SPIRE2: variants seen among roughly 807,000 people sequenced by gnomAD.
SPIRE2 encodes protein spire homolog 2.
SPIRE2 carries 76 observed loss-of-function variants against 80.7 expected under a neutral mutation model. That is an observed-to-expected ratio of 0.94 (90% CI 0.78 to 1.14). The LOEUF is 1.14. Ranked by LOEUF, SPIRE2 falls within the 50% of genes most tolerant of loss-of-function variation. The probability of loss-of-function intolerance (pLI) is 0.00; values close to 1 mark genes in which losing one functional copy is unlikely to be tolerated. For missense variants in SPIRE2, 1,196 were observed against 1,015.3 expected, an observed-to-expected ratio of 1.18 and a Z score of -2.42; for synonymous variants, 535 against 432.6, an observed-to-expected ratio of 1.24 and a Z score of -2.94.
At chr16:89,842,255 C>T (rs1477803858) in intron 1 of SPIRE2, among the ~76,000 whole-genome samples, 10 of 123,024 alleles carry the variant, frequency 8.1e-5, no homozygotes, top group East Asian at 6.3e-4. Context: ...CTCTGTTGCC[C>T]AGGCTGGAGT....
intron 1 of SPIRE2, among the ~76,000 whole-genome samples, chr16:89,843,850 C>G (rs374311890): frequency 5.0e-4 from 71 of 142,654 alleles, no homozygotes; most frequent in African/African-American, 1.6e-3. Context: ...CATATATGCA[C>G]TACCATGCCC....
At chr16:89,854,777 G>A in intron 5 of SPIRE2, 126 bp downstream of exon 5, 4 of 992,958 alleles carry the variant, frequency 4.0e-6, no homozygotes, top group Admixed American at 2.4e-5. Flanking sequence ...CCTGCTCTCT[G>A]TGCTGGGTAC....
rs984125891 is a variant in SPIRE2, at chr16:89,869,545, ACCT to A, written c.1807-16_1807-14del. 3.3e-6 allele frequency: 5 copies of A among 1,533,066 alleles called. No homozygotes were observed. In the African/African-American group the frequency reaches 6.8e-5, roughly 21 times the overall value. The allele number at this position is 1,533,066 out of a possible 1,614,324, so 95.0% of individuals were successfully genotyped here. A position where few individuals can be genotyped will look rare whatever the true frequency, so the allele number is the denominator to read the frequency against. ...ATGTCTCTGGTGGTGCCTGGTTCATACCTCCTCCCTCTGTGCTGCAGATGAAGA... is the reference window on the plus strand; with the variant it reads ...ATGTCTCTGGTGGTGCCTGGTTCATACCTCCCTCTGTGCTGCAGATGAAGA... On this transcript the variant is annotated intron_variant, in intron 13 of 14. Coordinates refer to ENST00000378247, the MANE Select transcript of SPIRE2 (RefSeq NM_032451.2).
In SPIRE2 at chr16:89,869,053, A is replaced by AAAAAACATATATATATATATATATAT; in HGVS notation, c.1807-513_1807-512insAAAACATATATATATATATATATATA. ...TCTTAAAAAAAAAAAAAAAAAAAAA[A>AAAAAACATATATATATATATATATAT]ATATATATATATATATATATATGTT... On this transcript the variant is annotated intron_variant, in intron 13 of 14. Transcript: ENST00000378247. 2.1e-4 allele frequency among the ~76,000 whole-genome samples: 5 copies of AAAAAACATATATATATATATATATAT among 24,030 alleles called. 1 individual carries two copies. The highest frequency in any genetic ancestry group is 8.2e-4 in the African/African-American group (5 of 6,098). The allele number at this position is 24,030 out of a possible 152,430, so 15.8% of individuals were successfully genotyped here. A position where few individuals can be genotyped will look rare whatever the true frequency, so the allele number is the denominator to read the frequency against.
At chr16:89,868,352 C>T in intron 13 of SPIRE2, 136 bp downstream of exon 13, 1 of 955,036 alleles carries the variant, frequency 1.0e-6, no homozygotes, top group Non-Finnish European at 1.6e-6. Flanking sequence ...CATTCCTATA[C>T]TTTCCAAGAT....
intron 3 of SPIRE2, 101 bp downstream of exon 3, chr16:89,850,761 G>A (rs1207437128): frequency 1.1e-6 from 1 of 881,900 alleles, no homozygotes; most frequent in Non-Finnish European, 1.6e-6. Context: ...TGGACAGAAA[G>A]TCAGGTCGTC....
In SPIRE2 at chr16:89,857,872, G is replaced by GTTC. The variant is rs1273963201; in HGVS notation, c.1103-457_1103-455dup. On this transcript the variant is annotated intron_variant, in intron 7 of 14. Transcript: ENST00000378247. ...GGCGTGAGCCACCGCACCCAGCCTAGTTCTTCTTCTTTTTTTTTTTTTTTT... is the reference window on the plus strand; with the variant it reads ...GGCGTGAGCCACCGCACCCAGCCTAGTTCTTCTTCTTCTTTTTTTTTTTTTTTT... 8.8e-4 allele frequency among the ~76,000 whole-genome samples: 112 copies of GTTC among 127,078 alleles called. 2 individuals are homozygous for GTTC. In the Middle Eastern group the frequency reaches 0.014, roughly 16 times the overall value. 83.4% of individuals were successfully genotyped at this position (127,078 alleles called of 152,430 possible).
At chr16:89,844,933 A>G (rs1236937670) in intron 1 of SPIRE2, among the ~76,000 whole-genome samples, 2 of 152,046 alleles carry the variant, frequency 1.3e-5, no homozygotes, top group Admixed American at 1.3e-4. Context: ...ATGTTTCCCT[A>G]GGGGCAGCCT....
intron 2 of SPIRE2, among the ~76,000 whole-genome samples, chr16:89,848,002 G>C (rs746897019): frequency 2.0e-5 from 3 of 152,218 alleles, no homozygotes; most frequent in African/African-American, 7.2e-5. Context: ...CCTGTGCCAC[G>C]AGGCACAATC....
chr16:89,869,684 T>C lies in SPIRE2; in HGVS notation c.1922+2T>C, dbSNP rs757688321. On this transcript the variant is annotated splice_donor_variant, in intron 14 of 14. Transcript: ENST00000378247. LOFTEE classifies it high-confidence loss of function. ...AATCCAGAGAAGAGACATCTTTCAGTGCGTTCTTCGCCTTGCTGCTGATGT... is the reference window on the plus strand; with the variant it reads ...AATCCAGAGAAGAGACATCTTTCAGCGCGTTCTTCGCCTTGCTGCTGATGT... 3 of 1,609,084 alleles carry C rather than the reference T, an allele frequency of 1.9e-6. No homozygotes were observed. The highest frequency in any genetic ancestry group is 2.2e-5 in the South Asian group (2 of 90,962).
intron 1 of SPIRE2, among the ~76,000 whole-genome samples, chr16:89,833,803 G>A (rs1567668077): frequency 6.6e-6 from 1 of 152,214 alleles, no homozygotes; most frequent in African/African-American, 2.4e-5. Flanking sequence ...TCAGGGAGGG[G>A]TTCTGCAAGG....
At chr16:89,865,884 C>G (rs761372804) in intron 12 of SPIRE2, among the ~76,000 whole-genome samples, 2 of 143,650 alleles carry the variant, frequency 1.4e-5, no homozygotes, top group African/African-American at 5.2e-5. Context: ...AGGAGAACTG[C>G]TTGAACCTGT....
At chr16:89,855,893 G>T in intron 6 of SPIRE2, 3 of 960,392 alleles carry the variant, frequency 3.1e-6, no homozygotes, top group Non-Finnish European at 4.5e-6. Flanking sequence ...TCTGGGAAGG[G>T]GCCATGTGAG....
At position 89,867,494 on chromosome 16, in the gene SPIRE2, C is replaced by CA. The variant is rs930411649; in HGVS notation, c.1779-691dup. Among the ~76,000 whole-genome samples, 84 of 151,898 alleles carry CA rather than the reference C, an allele frequency of 5.5e-4. 1 individual carries two copies. The highest frequency in any genetic ancestry group is 6.9e-3 in the Middle Eastern group (2 of 288). On this transcript the variant is annotated intron_variant, in intron 12 of 14. Transcript: ENST00000378247. ...TGTAGGTTTTTGTTTTTAAACTTTC[C>CA]AAAAGTATGTGACCCATCATGGCTT...
intron 1 of SPIRE2, among the ~76,000 whole-genome samples, chr16:89,836,839 A>G (rs2041455129): frequency 6.6e-6 from 1 of 151,648 alleles, no homozygotes; most frequent in Non-Finnish European, 1.5e-5. Flanking sequence ...AAAAGAAAAA[A>G]AGAAAGTTAG....
chr16:89,837,813 C>G (rs548965820), intron 1 of SPIRE2, among the ~76,000 whole-genome samples: 19 of 152,280 alleles, frequency 1.2e-4, no homozygotes, highest in African/African-American at 4.3e-4. Flanking sequence ...GGGTTGGTCT[C>G]AGCCAGGGAT....
At chr16:89,866,035 G>T (rs1002244633) in intron 12 of SPIRE2, among the ~76,000 whole-genome samples, 1 of 150,038 alleles carries the variant, frequency 6.7e-6, no homozygotes, top group East Asian at 2.0e-4. Flanking sequence ...TATAATCCCA[G>T]CACTTTGGGA....
chr16:89,871,167 C>A lies in SPIRE2; in HGVS notation c.*895C>A, dbSNP rs1312802437. On this transcript the variant is annotated 3_prime_UTR_variant, in exon 15 of 15. Transcript: ENST00000378247. ...TGGGGTCCAAACCACATGTGTCCTG[C>A]CTCTCCTGGCCCTACCACATTCTGG... 2.0e-5 allele frequency: 3 copies of A among 152,532 alleles called. No homozygotes were observed. The highest frequency in any genetic ancestry group is 7.2e-5 in the African/African-American group (3 of 41,454). The allele number at this position is 152,532 out of a possible 1,614,324, so 9.4% of individuals were successfully genotyped here.
intron 3 of SPIRE2, among the ~76,000 whole-genome samples, chr16:89,853,689 G>A (rs1341953779): frequency 6.7e-6 from 1 of 149,782 alleles, no homozygotes; most frequent in Non-Finnish European, 1.5e-5. Context: ...CGTGACAGCA[G>A]AGGCTGCGTG....
Sources: allele counts gnomAD v4.1 joint callset (sites outside exome capture counted in the v4.1 genomes callset), GRCh38; gene constraint gnomAD v4.1.1; transcripts MANE v1.5; gene names NCBI Gene and HGNC (gene_info 2026-07-23, HGNC 2026-07-21).